TRPV6: variants seen among roughly 807,000 people sequenced by gnomAD.
TRPV6 encodes the protein Alu-binding protein with zinc finger domain.
TRPV6 carries 39 observed loss-of-function variants against 79.0 expected under a neutral mutation model. That is an observed-to-expected ratio of 0.49 (90% CI 0.38 to 0.64). The LOEUF is 0.64. Among genes scored for constraint, TRPV6 ranks in the 30% least tolerant of loss-of-function variants. TRPV6 has a pLI of 0.00. For missense variants in TRPV6, 813 were observed against 1,011.1 expected (o/e 0.80, Z 2.66); for synonymous variants, 373 against 391.9 (o/e 0.95, Z 0.57).
At chr7:142,877,453 C>T (rs763659374) in intron 3 of TRPV6, 174 bp from the exon 4 acceptor site, 148 of 1,459,684 alleles carry the variant, frequency 1.0e-4, no homozygotes, top group Non-Finnish European at 1.3e-4. Flanking sequence ...TTCCTCTTCT[C>T]TAGGCCCCTG....
chr7:142,877,345 T>C, intron 3 of TRPV6, 66 bp from the exon 4 acceptor site: 1 of 1,592,060 alleles, frequency 6.3e-7, no homozygotes, highest in East Asian at 2.3e-5. Flanking sequence ...CCCTCCCATA[T>C]GCACCCCAGT....
At chr7:142,876,076 T>C (rs1795061153) in intron 6 of TRPV6, 172 bp from the exon 7 acceptor site, 2 of 723,978 alleles carry the variant, frequency 2.8e-6, no homozygotes, top group Non-Finnish European at 4.4e-6. Flanking sequence ...CATTCATAGG[T>C]TCCTCATCCT....
chr7:142,880,532 C>T (rs977495253), intron 1 of TRPV6: 5 of 152,094 alleles, frequency 3.3e-5, no homozygotes, highest in African/African-American at 7.2e-5. Context: ...GAAATGGGTC[C>T]GAGAGAGCAC....
At chr7:142,879,050 C>A (rs1180236916) in intron 1 of TRPV6, 1 of 152,216 alleles carries the variant, frequency 6.6e-6, no homozygotes, top group Non-Finnish European at 1.5e-5. Context: ...TTCAGACCAG[C>A]TGTCTAGAGG....
chr7:142,871,485 C>G lies in TRPV6; in HGVS notation c.*222G>C. The G allele has an allele frequency of 1.7e-6, 1 of 574,104 alleles. No homozygotes were observed. The highest frequency in any genetic ancestry group is 3.0e-5 in the East Asian group (1 of 33,400). The allele number at this position is 574,104 out of a possible 1,614,324, so 35.6% of individuals were successfully genotyped here. On this transcript the variant is annotated 3_prime_UTR_variant, in exon 15 of 15. Transcript: ENST00000359396. ...AGGCCACAGGAGAGTTCCTCACGCC[C>G]TGCCAGCCCCGTGCTTGGGCTGGGC...
chr7:142,875,506 G>C lies in TRPV6; in HGVS notation c.1204C>G (p.Pro402Ala). 1 of 1,603,874 alleles carries C rather than the reference G, an allele frequency of 6.2e-7. No homozygotes were observed. Among genetic ancestry groups the C allele is most frequent in the South Asian group, 1.1e-5 (1 of 90,340 alleles). ...TGCTGTAAGAGGGTGTTGTCCCGGG[G>C]GCTCGTGCGGTTATTGGTCCTGGGC... The change falls in exon 8 of 15, where the codon CCC becomes GCC. Residue 402 changes from proline to alanine, a missense_variant. This residue lies in a region of TRPV6 where 555 missense variants were observed against 631.0 expected (regional missense o/e 0.88). Coordinates refer to ENST00000359396, the MANE Select transcript of TRPV6 (RefSeq NM_018646.6).
At chr7:142,883,242 C>T (rs1031980266) in intron 1 of TRPV6, 2 of 152,270 alleles carry the variant, frequency 1.3e-5, no homozygotes, top group Admixed American at 6.5e-5. Context: ...GTTGAGAGCT[C>T]GACTTGGATC....
chr7:142,873,888 TC>T lies in TRPV6; in HGVS notation c.1640-173del. The T allele has an allele frequency of 9.1e-7, 1 of 1,101,868 alleles. No homozygotes were observed. Among genetic ancestry groups the T allele is most frequent in the Non-Finnish European group, 1.3e-6 (1 of 766,176 alleles). The allele number at this position is 1,101,868 out of a possible 1,614,324, so 68.3% of individuals were successfully genotyped here. On this transcript the variant is annotated intron_variant, in intron 12 of 14. Transcript: ENST00000359396. This position sits in a 1 kb window ranked among gnomAD's most constrained non-coding sequence, Gnocchi z 4.8. Reference sequence around the variant, plus strand: ...TAGTTTTGTATGAGCCTCATCTTGATCCTAAGAGCCACCTCTCCCTAACACT... The same window carrying T: ...TAGTTTTGTATGAGCCTCATCTTGATCTAAGAGCCACCTCTCCCTAACACT...
chr7:142,874,856 T>C lies in TRPV6; in HGVS notation c.1406+48A>G, dbSNP rs182824207. 3.7e-4 allele frequency: 599 copies of C among 1,608,908 alleles called. 6 individuals are homozygous for C. In the Admixed American group the frequency reaches 9.8e-3, roughly 26 times the overall value. ...AGGTCAGGAATCCAAGGAGTGGAAC[T>C]GGAGCCCTGTTGAGGGAAGGGATGG... On this transcript the variant is annotated intron_variant, in intron 10 of 14. Coordinates refer to ENST00000359396, the MANE Select transcript of TRPV6 (RefSeq NM_018646.6).
chr7:142,877,075 G>T (rs2116519486), intron 4 of TRPV6, 67 bp downstream of exon 4: 1 of 1,541,152 alleles, frequency 6.5e-7, no homozygotes, highest in Non-Finnish European at 8.8e-7. Flanking sequence ...ATCCTCCTCT[G>T]CCTGGCCCTG....
intron 14 of TRPV6, 39 bp from the exon 15 acceptor site, chr7:142,872,028 T>C (rs745736072): frequency 7.1e-6 from 11 of 1,546,208 alleles, no homozygotes; most frequent in Non-Finnish European, 9.6e-6. Flanking sequence ...AGCCAGGACT[T>C]GAAGAACAGA....
At position 142,874,113 on chromosome 7, in the gene TRPV6, G is replaced by T. The variant is rs139137809; in HGVS notation, c.1602C>A (p.Cys534Ter). 1 of 1,613,882 alleles carries T rather than the reference G, an allele frequency of 6.2e-7. No individual in the cohort carries two copies. Among genetic ancestry groups the T allele is most frequent in the Admixed American group, 1.7e-5 (1 of 59,962 alleles). The change falls in exon 12 of 15, where the codon TGC becomes TGA. Residue 534 changes from cysteine (C) to a stop codon, truncating the protein, a stop_gained. Transcript: ENST00000359396. LOFTEE classifies it high-confidence loss of function. ...CCAGGATGACCACAGCCATCAGCCA[G>T]CAGAATCGCATCAGGTCGCCAAAAA... is the stretch of plus-strand genomic sequence containing the variant.
chr7:142,874,325 G>C (rs1339749378), intron 11 of TRPV6, among the ~76,000 whole-genome samples, 166 bp downstream of exon 11: 1 of 152,144 alleles, frequency 6.6e-6, no homozygotes, highest in Non-Finnish European at 1.5e-5. Context: ...GAACTGAAAA[G>C]GGTTTCTACA....
At chr7:142,878,103 C>T in intron 1 of TRPV6, 77 bp from the exon 2 acceptor site, 2 of 1,187,202 alleles carry the variant, frequency 1.7e-6, no homozygotes, top group Admixed American at 3.6e-5. Context: ...GGCTTGACTC[C>T]ATTATTATAC....
chr7:142,873,975 C>A lies in TRPV6; in HGVS notation c.1639+101G>T. On this transcript the variant is annotated intron_variant, in intron 12 of 14. Coordinates refer to ENST00000359396, the MANE Select transcript of TRPV6 (RefSeq NM_018646.6). This position sits in a 1 kb window ranked among gnomAD's most constrained non-coding sequence, Gnocchi z 4.8. Reference sequence around the variant, plus strand: ...TCTGATACCATAGGTCTCCTCTGATCTCTGCATTACTCCTCCTCCCCAAGT... The same window carrying A: ...TCTGATACCATAGGTCTCCTCTGATATCTGCATTACTCCTCCTCCCCAAGT... 7.4e-7 allele frequency: 1 copy of A among 1,352,762 alleles called. No homozygotes were observed. Among genetic ancestry groups the A allele is most frequent in the South Asian group, 1.2e-5 (1 of 80,924 alleles). The allele number at this position is 1,352,762 out of a possible 1,614,324, so 83.8% of individuals were successfully genotyped here.
intron 14 of TRPV6, among the ~76,000 whole-genome samples, 186 bp downstream of exon 14, chr7:142,872,186 C>A (rs1484305008): frequency 6.6e-6 from 1 of 152,254 alleles, no homozygotes; most frequent in African/African-American, 2.4e-5. Context: ...GCCACAGACT[C>A]CCTGGATGCT....
intron 11 of TRPV6, 121 bp downstream of exon 11, chr7:142,874,370 A>T (rs1482308443): frequency 1.5e-6 from 2 of 1,340,712 alleles, no homozygotes; most frequent in East Asian, 2.3e-5. Context: ...GAAGAAAAAC[A>T]TGCAGTGAGG....
At chr7:142,879,996 T>C (rs1258633808) in intron 1 of TRPV6, 1 of 152,174 alleles carries the variant, frequency 6.6e-6, no homozygotes, top group Non-Finnish European at 1.5e-5. Context: ...GCACTGCCTA[T>C]GCCTAGAAAT....
intron 4 of TRPV6, 30 bp downstream of exon 4, chr7:142,877,112 C>T (rs1270469407): frequency 5.6e-6 from 9 of 1,600,946 alleles, no homozygotes; most frequent in Non-Finnish European, 7.7e-6. Context: ...TTTCCAACTG[C>T]CCGTCCTCCA....
Sources: gnomAD v4.1 joint callset for allele counts (sites outside exome capture counted in the v4.1 genomes callset) on GRCh38, gnomAD v4.1.1 for gene constraint, gnomAD v4.1.1 regional missense constraint, Gnocchi (gnomAD v3.1) non-coding constraint, MANE v1.5 for transcripts, NCBI Gene and HGNC (gene_info 2026-07-23, HGNC 2026-07-21) for gene names.